The following NYAP2 variants were observed in gnomAD, a reference collection of about 807,000 sequenced individuals.
The protein encoded by NYAP2 is neuronal tyrosine-phosphorylated phosphoinositide-3-kinase adapter 2.
Under a neutral mutation model 50.4 loss-of-function variants are expected in NYAP2, and 23 were observed. The observed-to-expected ratio is 0.46, with a 90% CI of 0.33 to 0.65. The LOEUF is 0.65. NYAP2 is among the 30% of genes least tolerant of loss of function. The pLI, the probability that NYAP2 is intolerant of heterozygous loss-of-function variation, is 0.02. For missense variants in NYAP2, 885 were observed against 861.0 expected, an observed-to-expected ratio of 1.03 and a Z score of -0.35; for synonymous variants, 394 against 365.2, an observed-to-expected ratio of 1.08 and a Z score of -0.90.
chr2:225,683,755 G>A, the NYAP2 span, among the ~76,000 whole-genome samples: 1 of 152,082 alleles, frequency 6.6e-6, no homozygotes, highest in African/African-American at 2.4e-5. Flanking sequence ...GAGCAAGATG[G>A]AAAATATAAA....
rs986278087 is a variant in NYAP2, at chr2:225,400,094, A to G, written c.-662A>G. 1 of 152,122 alleles carries G rather than the reference A, an allele frequency of 6.6e-6. No homozygotes were observed. The highest frequency in any genetic ancestry group is 1.5e-5 in the Non-Finnish European group (1 of 68,022). The allele number at this position is 152,122 out of a possible 1,614,324, so 9.4% of individuals were successfully genotyped here. On this transcript the variant is annotated 5_prime_UTR_variant, in exon 1 of 7. The change abolishes an upstream ATG in the 5' untranslated region. Transcript: ENST00000636099. ...GGGAGCCGAAATCCAAAGTAGAACG[A>G]TGCCGCTTTCCGGTTTCTTGCAATT... is the stretch of plus-strand genomic sequence containing the variant.
chr2:225,613,498 T>C (rs926465599), intron 5 of NYAP2, among the ~76,000 whole-genome samples: 5 of 152,124 alleles, frequency 3.3e-5, no homozygotes, highest in Admixed American at 3.3e-4. Context: ...AACAATACTT[T>C]ATGAGCTATC....
chr2:225,468,404 T>C (rs1689958086), intron 3 of NYAP2, among the ~76,000 whole-genome samples: 1 of 152,146 alleles, frequency 6.6e-6, no homozygotes, highest in Non-Finnish European at 1.5e-5. Context: ...ATCCAGCATG[T>C]GGTTCTTTTA....
At chr2:225,679,195 G>A in the NYAP2 span, among the ~76,000 whole-genome samples, 1 of 90,488 alleles carries the variant, frequency 1.1e-5, no homozygotes, top group Admixed American at 1.5e-4. Context: ...ATAAAAGCAA[G>A]TACTTTATTT....
chr2:225,486,422 G>A (rs958348049), intron 3 of NYAP2, among the ~76,000 whole-genome samples: 1 of 152,150 alleles, frequency 6.6e-6, no homozygotes, highest in Non-Finnish European at 1.5e-5. Context: ...TCTAAGCTTT[G>A]ATGCTACTGA....
At chr2:225,527,216 G>A (rs1484278969) in intron 4 of NYAP2, among the ~76,000 whole-genome samples, 1 of 152,218 alleles carries the variant, frequency 6.6e-6, no homozygotes, top group Non-Finnish European at 1.5e-5. Context: ...TGTTGGCACA[G>A]ATGGAGCCTT....
intron 3 of NYAP2, among the ~76,000 whole-genome samples, chr2:225,483,758 T>C (rs111460390): frequency 0.012 from 1,865 of 152,326 alleles, 44 homozygotes; most frequent in African/African-American, 0.043. Context: ...AATAATTTGA[T>C]GATATAATTG....
the NYAP2 span, among the ~76,000 whole-genome samples, chr2:225,664,047 C>T: frequency 6.6e-5 from 10 of 152,058 alleles, no homozygotes; most frequent in Non-Finnish European, 1.0e-4. Context: ...CTGTCTCTTC[C>T]CTGTACTTAC....
At chr2:225,644,858 T>C (rs1693600479) in intron 6 of NYAP2, among the ~76,000 whole-genome samples, 1 of 151,950 alleles carries the variant, frequency 6.6e-6, no homozygotes, top group Non-Finnish European at 1.5e-5. Context: ...TGTAGTATAG[T>C]TTGAAGTCAG....
At chr2:225,520,175 T>C (rs1306863166) in intron 4 of NYAP2, among the ~76,000 whole-genome samples, 11 of 152,298 alleles carry the variant, frequency 7.2e-5, no homozygotes, top group African/African-American at 1.2e-4. Flanking sequence ...GATATTAGCC[T>C]TTTGTCAGAT....
intron 4 of NYAP2, among the ~76,000 whole-genome samples, chr2:225,555,607 CAG>C (rs1287041368): frequency 6.6e-6 from 1 of 152,162 alleles, no homozygotes; most frequent in African/African-American, 2.4e-5. Flanking sequence ...GTGCAACTAA[CAG>C]ATCTGGTCCC....
chr2:225,628,830 G>T (rs1246111689), intron 6 of NYAP2, among the ~76,000 whole-genome samples: 1 of 151,824 alleles, frequency 6.6e-6, no homozygotes, highest in East Asian at 1.9e-4. Context: ...GCATTCTCTG[G>T]GTTTCTATTA....
the NYAP2 span, among the ~76,000 whole-genome samples, chr2:225,696,189 A>G: frequency 1.3e-5 from 2 of 152,122 alleles, no homozygotes; most frequent in African/African-American, 4.8e-5. Context: ...TGAGTTTGAT[A>G]TAGGTCTGTA....
chr2:225,506,808 T>A (rs1334194005), intron 3 of NYAP2, among the ~76,000 whole-genome samples: 1 of 152,114 alleles, frequency 6.6e-6, no homozygotes, highest in Non-Finnish European at 1.5e-5. Flanking sequence ...GCAAATCTCA[T>A]CCTCTTCTTT....
At chr2:225,570,801 C>G (rs1016239880) in intron 4 of NYAP2, among the ~76,000 whole-genome samples, 1 of 152,168 alleles carries the variant, frequency 6.6e-6, no homozygotes, top group African/African-American at 2.4e-5. Flanking sequence ...CAACAGTCCC[C>G]CAAAGTCTTA....
At chr2:225,460,143 GA>G (rs140867872) in intron 3 of NYAP2, among the ~76,000 whole-genome samples, 2,483 of 152,174 alleles carry the variant, frequency 0.016, 58 homozygotes, top group African/African-American at 0.057. Context: ...ATCAAATGAT[GA>G]TTTTTTTTGT....
At chr2:225,505,906 C>T (rs985532897) in intron 3 of NYAP2, among the ~76,000 whole-genome samples, 7 of 152,064 alleles carry the variant, frequency 4.6e-5, no homozygotes, top group Non-Finnish European at 8.8e-5. Context: ...GAAGCAGGTC[C>T]GGACTTCTGG....
rs141034802 is a variant in NYAP2 at position 225,579,029 on chromosome 2, C to G, written c.524-2912C>G. On this transcript the variant is annotated intron_variant, in intron 4 of 6. Coordinates refer to ENST00000636099, the Ensembl canonical transcript of NYAP2. Reference sequence around the variant, plus strand: ...TCTCTCTGTTCTCATACGGCATGCACGTGCACGCACACACACGCGCGTGCA... The same window carrying G: ...TCTCTCTGTTCTCATACGGCATGCAGGTGCACGCACACACACGCGCGTGCA... Among the ~76,000 whole-genome samples the G allele has an allele frequency of 4.6e-5, 7 of 152,054 alleles. No individual in the cohort carries two copies. The East Asian group carries it at 1.2e-3, about 25-fold the overall frequency.
intron 3 of NYAP2, among the ~76,000 whole-genome samples, chr2:225,433,803 C>G (rs1343943244): frequency 3.7e-5 from 4 of 109,298 alleles, no homozygotes; most frequent in African/African-American, 1.4e-4. Context: ...GGCGACAGAG[C>G]GAGACTCCGT....
Sources: gnomAD v4.1 joint callset for allele counts (sites outside exome capture counted in the v4.1 genomes callset) on GRCh38, gnomAD v4.1.1 for gene constraint, MANE v1.5 for transcripts, NCBI Gene and HGNC (gene_info 2026-07-23, HGNC 2026-07-21) for gene names.